Variants in EIF2S1 observed in about 807,000 individuals in gnomAD.
EIF2S1 encodes the protein eukaryotic translation initiation factor 2 subunit alpha, also known as eukaryotic translation initiation factor 2 subunit 1.
EIF2S1 carries 5 observed loss-of-function variants against 33.5 expected under a neutral mutation model. That is an observed-to-expected ratio of 0.15 (90% CI 0.08 to 0.31). The LOEUF is 0.31. EIF2S1 is among the 10% of genes least tolerant of loss of function. The probability of loss-of-function intolerance (pLI) is 1.00; values close to 1 mark genes in which losing one functional copy is unlikely to be tolerated. For missense variants in EIF2S1, 191 were observed against 384.6 expected, an observed-to-expected ratio of 0.50 and a Z score of 4.21; for synonymous variants, 99 against 127.5, an observed-to-expected ratio of 0.78 and a Z score of 1.51.
chr14:67,380,856 A>G (rs2085884275), intron 5 of EIF2S1, 91 bp downstream of exon 5: 2 of 588,886 alleles, frequency 3.4e-6, no homozygotes, highest in Non-Finnish European at 5.4e-6. Context: ...ATGTTGCTAC[A>G]TCAACATCTA....
At chr14:67,373,843 G>T (rs1413022864) in intron 2 of EIF2S1, among the ~76,000 whole-genome samples, 3 of 55,612 alleles carry the variant, frequency 5.4e-5, no homozygotes, top group Non-Finnish European at 8.1e-5. Flanking sequence ...AATTTGTTCA[G>T]TGTGTGTGTG....
At chr14:67,363,622 T>G (rs951911041) in intron 1 of EIF2S1, among the ~76,000 whole-genome samples, 1 of 152,132 alleles carries the variant, frequency 6.6e-6, no homozygotes, top group African/African-American at 2.4e-5. Flanking sequence ...TAACCTGTGC[T>G]TCAGTTTTTT....
Position 67,386,177 on chromosome 14 carries a change from A to G in EIF2S1, c.*2737A>G, listed in dbSNP as rs1188618613. On this transcript the variant is annotated 3_prime_UTR_variant, in exon 8 of 8. Coordinates refer to ENST00000256383, the MANE Select transcript of EIF2S1 (RefSeq NM_004094.5). ...TTCAAAAGGCAAAACAAAAAAACTA[A>G]TTCCAGGGACATTAGACCTTGGTGA... 1 of 152,662 alleles carries G rather than the reference A, an allele frequency of 6.6e-6. No homozygotes were observed. Among genetic ancestry groups the G allele is most frequent in the Non-Finnish European group, 1.5e-5 (1 of 68,044 alleles). 9.5% of individuals were successfully genotyped at this position (152,662 alleles called of 1,614,324 possible). A position where few individuals can be genotyped will look rare whatever the true frequency, so the allele number is the denominator to read the frequency against.
chr14:67,383,868 C>T lies in EIF2S1; in HGVS notation c.*428C>T, dbSNP rs142818296. 817 of 228,324 alleles carry T rather than the reference C, an allele frequency of 3.6e-3. 8 individuals carry two copies. Among genetic ancestry groups the T allele is most frequent in the African/African-American group, 0.018 (763 of 43,048 alleles). 14.1% of individuals were successfully genotyped at this position (228,324 alleles called of 1,614,324 possible). A position where few individuals can be genotyped will look rare whatever the true frequency, so the allele number is the denominator to read the frequency against. ...AATTTCTGGGATATTTAACTATAGGCTTCTTCCTTCTTGTCACCAGTTAAA... is the reference window on the plus strand; with the variant it reads ...AATTTCTGGGATATTTAACTATAGGTTTCTTCCTTCTTGTCACCAGTTAAA... On this transcript the variant is annotated 3_prime_UTR_variant, in exon 8 of 8. Transcript: ENST00000256383.
At chr14:67,376,727 A>T in intron 4 of EIF2S1, 137 bp downstream of exon 4, 1 of 803,736 alleles carries the variant, frequency 1.2e-6, no homozygotes, top group East Asian at 2.5e-5. Context: ...AAATGGGCCA[A>T]TCCTATATGG....
chr14:67,365,985 C>T (rs2085774565), intron 2 of EIF2S1, among the ~76,000 whole-genome samples: 1 of 152,010 alleles, frequency 6.6e-6, no homozygotes, highest in African/African-American at 2.4e-5. Context: ...ATAGCCCCGC[C>T]CAAAATTATT....
intron 2 of EIF2S1, among the ~76,000 whole-genome samples, chr14:67,370,785 G>A (rs1055512584): frequency 2.6e-5 from 4 of 152,108 alleles, no homozygotes; most frequent in Non-Finnish European, 5.9e-5. Context: ...CAGCACTTTG[G>A]GAGGTTGAGG....
In EIF2S1 at chr14:67,360,384, G is replaced by T. The variant is rs1297114171; in HGVS notation, c.-74G>T. 5.0e-6 allele frequency: 2 copies of T among 396,152 alleles called. No homozygotes were observed. Among genetic ancestry groups the T allele is most frequent in the African/African-American group, 2.1e-5 (1 of 48,586 alleles). The allele number at this position is 396,152 out of a possible 1,614,324, so 24.5% of individuals were successfully genotyped here. On this transcript the variant is annotated 5_prime_UTR_variant, in exon 1 of 8. Transcript: ENST00000256383. ...AGGAGGATCGGCGGCCGGTGAGGGG[G>T]AAGCAAGTCTGGTCTCTGTGATTGA... is the stretch of plus-strand genomic sequence containing the variant.
intron 2 of EIF2S1, among the ~76,000 whole-genome samples, chr14:67,372,041 G>C (rs907296523): frequency 1.3e-5 from 2 of 152,074 alleles, no homozygotes; most frequent in Non-Finnish European, 2.9e-5. Flanking sequence ...TAGGTGGGGG[G>C]ATCACTTGAG....
intron 5 of EIF2S1, 26 bp from the exon 6 acceptor site, chr14:67,381,567 C>A (rs762626633): frequency 6.3e-7 from 1 of 1,585,576 alleles, no homozygotes; most frequent in South Asian, 1.1e-5. Context: ...CATTTTTTAT[C>A]AACTTTTGAA....
rs550736621 is a variant in EIF2S1 at position 67,381,741 on chromosome 14, T to C, written c.678+51T>C. 17 of 1,273,614 alleles carry C rather than the reference T, an allele frequency of 1.3e-5. No homozygotes were observed. In the South Asian group the frequency reaches 2.1e-4, roughly 16 times the overall value. 78.9% of individuals were successfully genotyped at this position (1,273,614 alleles called of 1,614,324 possible). On this transcript the variant is annotated intron_variant, in intron 6 of 7. Transcript: ENST00000256383. ...TGCTGAAATGCTCACCTAAACCAAA[T>C]AGGATCTTTGATCTTTGTTTCTTTT...
In EIF2S1 at chr14:67,383,344, T is replaced by C. The variant is rs750376454; in HGVS notation, c.852T>C (p.Thr284=). ...AAGTGGTCACAGATACAGATGAGAC[T>C]GAACTTGCGAGGCAGATGGAGAGGC... ...EPKVVTDTDE[T]ELARQMERLE... The change falls in exon 8 of 8, where the codon ACT becomes ACC. Residue 284 remains threonine, a synonymous_variant. Coordinates refer to ENST00000256383, the MANE Select transcript of EIF2S1 (RefSeq NM_004094.5). The C allele has an allele frequency of 1.2e-6, 2 of 1,613,588 alleles. 1 individual carries two copies. The highest frequency in any genetic ancestry group is 2.2e-5 in the South Asian group (2 of 91,066).
intron 1 of EIF2S1, among the ~76,000 whole-genome samples, chr14:67,362,440 T>C (rs2085749199): frequency 6.6e-6 from 1 of 152,224 alleles, no homozygotes; most frequent in African/African-American, 2.4e-5. Flanking sequence ...ATATTTTATG[T>C]TTGACTAGCA....
intron 1 of EIF2S1, among the ~76,000 whole-genome samples, chr14:67,362,225 G>A (rs2141123910): frequency 6.6e-6 from 1 of 151,906 alleles, no homozygotes; most frequent in South Asian, 2.1e-4. Flanking sequence ...TCACCATGTT[G>A]ACCAGGCTGG....
intron 7 of EIF2S1, 77 bp downstream of exon 7, chr14:67,382,667 T>G (rs376762052): frequency 6.5e-7 from 1 of 1,536,304 alleles, no homozygotes. Flanking sequence ...ATAAGAGCTG[T>G]CGGCCTTGGA....
chr14:67,365,092 C>T (rs1172847236), intron 2 of EIF2S1, 84 bp downstream of exon 2: 1 of 1,364,642 alleles, frequency 7.3e-7, no homozygotes, highest in Non-Finnish European at 9.7e-7. Context: ...TTGCAAGCTG[C>T]AGCTTAAAAA....
At chr14:67,361,178 G>T (rs1272711777) in intron 1 of EIF2S1, among the ~76,000 whole-genome samples, 1 of 152,128 alleles carries the variant, frequency 6.6e-6, no homozygotes, top group South Asian at 2.1e-4. Flanking sequence ...TCATGCTGAG[G>T]TCTCTTTATC....
chr14:67,370,505 C>T (rs904346575), intron 2 of EIF2S1, among the ~76,000 whole-genome samples: 1 of 151,958 alleles, frequency 6.6e-6, no homozygotes, highest in Non-Finnish European at 1.5e-5. Context: ...ACACAAATTA[C>T]CAATCTGGAA....
At chr14:67,374,437 G>A (rs775523482) in intron 2 of EIF2S1, 31 bp from the exon 3 acceptor site, 4 of 1,458,302 alleles carry the variant, frequency 2.7e-6, no homozygotes, top group Non-Finnish European at 3.8e-6. Flanking sequence ...CATCTGGACA[G>A]AGATGATTTT....
Sources: allele counts gnomAD v4.1 joint callset (sites outside exome capture counted in the v4.1 genomes callset), GRCh38; gene constraint gnomAD v4.1.1; transcripts MANE v1.5; gene names NCBI Gene and HGNC (gene_info 2026-07-23, HGNC 2026-07-21).